Variants in MTG2 observed in about 807,000 individuals in gnomAD.
MTG2 encodes the protein mitochondrial ribosome-associated GTPase 2.
A neutral mutation model predicts 28.6 loss-of-function variants in MTG2; 23 were observed. The observed-to-expected ratio is 0.80, with a 90% CI of 0.58 to 1.14. The LOEUF (loss-of-function observed/expected upper bound fraction) is 1.14, where lower values mean the gene tolerates loss of function less well. Ranked by LOEUF, MTG2 falls within the 50% of genes most tolerant of loss-of-function variation. The pLI is 0.00. For missense variants in MTG2, 539 were observed against 552.0 expected (o/e 0.98, Z 0.24); for synonymous variants, 260 against 251.8 (o/e 1.03, Z -0.31).
At chr20:62,194,651 GA>G (rs11467955) in intron 2 of MTG2, among the ~76,000 whole-genome samples, 3 of 151,494 alleles carry the variant, frequency 2.0e-5, no homozygotes, top group East Asian at 1.9e-4. Flanking sequence ...TCTTTTAAAA[GA>G]AAAAAAAACT....
In MTG2 at chr20:62,198,681, C is replaced by G. The variant is rs758190421; in HGVS notation, c.516C>G (p.Asp172Glu). ...AGGAGGGAGGCAGAGTTGTGGCCGA[C>G]CTGTCTTGCGTGGGAGATGAGTACA... is the stretch of plus-strand genomic sequence containing the variant. ...LVKEGGRVVA[D>E]LSCVGDEYIA... The change falls in exon 5 of 7, where the codon GAC (aspartate) becomes GAG (glutamate). Residue 172 changes from aspartate (D) to glutamate (E), a missense_variant. Physicochemically the swap from Asp to Glu is conservative, Grantham distance 45. Coordinates refer to ENST00000370823, the MANE Select transcript of MTG2 (RefSeq NM_015666.4). 2.3e-5 allele frequency: 37 copies of G among 1,614,000 alleles called. 1 individual carries two copies. Among genetic ancestry groups the G allele is most frequent in the South Asian group, 1.9e-4 (17 of 91,092 alleles).
At chr20:62,199,856 A>T (rs1316056418) in intron 6 of MTG2, 1 of 151,784 alleles carries the variant, frequency 6.6e-6, no homozygotes, top group East Asian at 2.0e-4. Context: ...CACCACGCCC[A>T]GTTAATTTTT....
chr20:62,183,738 A>G (rs912007014), intron 1 of MTG2, among the ~76,000 whole-genome samples: 1 of 152,226 alleles, frequency 6.6e-6, no homozygotes, highest in Non-Finnish European at 1.5e-5. Flanking sequence ...TTTCTTTTGT[A>G]AAGGGGAGGA....
intron 1 of MTG2, among the ~76,000 whole-genome samples, chr20:62,184,129 C>T (rs978631522): frequency 5.9e-5 from 9 of 152,206 alleles, no homozygotes; most frequent in South Asian, 2.1e-4. Flanking sequence ...GAGGCCAAGG[C>T]GGGCAGATCA....
At chr20:62,194,440 C>T (rs2058022529) in intron 2 of MTG2, among the ~76,000 whole-genome samples, 1 of 152,230 alleles carries the variant, frequency 6.6e-6, no homozygotes, top group South Asian at 2.1e-4. Flanking sequence ...AAGTGCTCAC[C>T]AGTGGGGCTT....
rs150975089 is a variant in MTG2, at chr20:62,193,525, G to T, written c.105G>T (p.Leu35=). The T allele has an allele frequency of 5.2e-4, 841 of 1,614,036 alleles. 1 individual carries two copies. Among genetic ancestry groups the T allele is most frequent in the Admixed American group, 3.8e-4 (23 of 60,004 alleles). The stretch of plus-strand genomic sequence containing the variant: ...CTGGCCTGAAGCCCAGCCGGCTACT[G>T]CCACAGCGGGCTTCTCCCAGGCTGC... ...TWAGLKPSRL[L]PQRASPRLLS... Residue 35 remains leucine, a synonymous_variant, in exon 2 of 7, where the codon CTG becomes CTT. Coordinates refer to ENST00000370823, the MANE Select transcript of MTG2 (RefSeq NM_015666.4).
In MTG2 at chr20:62,201,259, C is replaced by T. The variant is rs188050084; in HGVS notation, c.*182C>T. 3 of 695,330 alleles carry T rather than the reference C, an allele frequency of 4.3e-6. No homozygotes were observed. Among genetic ancestry groups the T allele is most frequent in the South Asian group, 2.0e-5 (1 of 50,596 alleles). The allele number at this position is 695,330 out of a possible 1,614,324, so 43.1% of individuals were successfully genotyped here. On this transcript the variant is annotated 3_prime_UTR_variant, in exon 7 of 7. Transcript: ENST00000370823. ...GGGAAGCATTCCGTGCCCCCTACCCCGCCTGCCCTCCGTATTTCCTGCACC... is the reference window on the plus strand; with the variant it reads ...GGGAAGCATTCCGTGCCCCCTACCCTGCCTGCCCTCCGTATTTCCTGCACC...
intron 5 of MTG2, 37 bp from the exon 6 acceptor site, chr20:62,199,082 C>T: frequency 6.2e-7 from 1 of 1,611,832 alleles, no homozygotes; most frequent in Non-Finnish European, 8.5e-7. Context: ...AAAGGTGCTG[C>T]CGCGGGCCGT....
chr20:62,202,403 T>C lies in MTG2; in HGVS notation c.*1326T>C. ...GTGAGCCGTGATTGCACCACTGCAC[T>C]CCAGCCTGAGTGACAGAGCGAGACC... On this transcript the variant is annotated 3_prime_UTR_variant, in exon 7 of 7. Coordinates refer to ENST00000370823, the MANE Select transcript of MTG2 (RefSeq NM_015666.4). 6.3e-6 allele frequency: 1 copy of C among 158,584 alleles called. No individual in the cohort carries two copies. Among genetic ancestry groups the C allele is most frequent in the Non-Finnish European group, 1.4e-5 (1 of 73,032 alleles). The allele number at this position is 158,584 out of a possible 1,614,324, so 9.8% of individuals were successfully genotyped here.
intron 1 of MTG2, among the ~76,000 whole-genome samples, chr20:62,192,638 A>C (rs2057982216): frequency 6.6e-6 from 1 of 152,092 alleles, no homozygotes. Context: ...CCCCCTCCCA[A>C]GGCCATCCAG....
chr20:62,198,312 G>C, intron 4 of MTG2: 1 of 527,790 alleles, frequency 1.9e-6, no homozygotes, highest in Non-Finnish European at 3.4e-6. Flanking sequence ...CAGCGGGCCT[G>C]CGTCTCCTTC....
chr20:62,186,867 G>C (rs1019026395), intron 1 of MTG2, among the ~76,000 whole-genome samples: 1 of 152,130 alleles, frequency 6.6e-6, no homozygotes, highest in African/African-American at 2.4e-5. Context: ...CCTCTCTTCT[G>C]TAAACAGGGA....
At chr20:62,185,188 C>G (rs1012643182) in intron 1 of MTG2, among the ~76,000 whole-genome samples, 3 of 150,300 alleles carry the variant, frequency 2.0e-5, no homozygotes, top group African/African-American at 7.4e-5. Context: ...CTGAGGTGGG[C>G]GGATCACGAG....
intron 1 of MTG2, among the ~76,000 whole-genome samples, chr20:62,192,950 C>A (rs1405714888): frequency 6.6e-6 from 1 of 152,220 alleles, no homozygotes; most frequent in Non-Finnish European, 1.5e-5. Flanking sequence ...GAGTTACTTT[C>A]CAGAGCCTGG....
rs577547816 is a variant in MTG2, at chr20:62,192,864, G to A, written c.-5-552G>A. On this transcript the variant is annotated intron_variant, in intron 1 of 6. Coordinates refer to ENST00000370823, the MANE Select transcript of MTG2 (RefSeq NM_015666.4). ...CAGCCAGGGCCGCGGTTGTGCAGCC[G>A]TGTGGATCAGCTCAGCCCGTCCTCA... 3.9e-5 allele frequency among the ~76,000 whole-genome samples: 6 copies of A among 152,310 alleles called. No individual in the cohort carries two copies. In the South Asian group the frequency reaches 8.3e-4, roughly 21 times the overall value.
intron 1 of MTG2, among the ~76,000 whole-genome samples, chr20:62,190,328 A>G (rs1236446757): frequency 6.6e-6 from 1 of 152,228 alleles, no homozygotes; most frequent in Non-Finnish European, 1.5e-5. Context: ...CCAACTACGC[A>G]GTATTTTTTT....
In MTG2 at chr20:62,202,438, AAAACAAACAAAC is replaced by A. The variant is rs150565894; in HGVS notation, c.*1373_*1384del. 4.5e-5 allele frequency: 7 copies of A among 155,586 alleles called. No homozygotes were observed. The highest frequency in any genetic ancestry group is 3.0e-3 in the Middle Eastern group (1 of 330). 9.6% of individuals were successfully genotyped at this position (155,586 alleles called of 1,614,324 possible). A position where few individuals can be genotyped will look rare whatever the true frequency, so the allele number is the denominator to read the frequency against. ...GTGACAGAGCGAGACCCTGTCTCAA[AAAACAAACAAAC>A]AAACAAACAAAAACAGAACATTCTG... is the stretch of plus-strand genomic sequence containing the variant. On this transcript the variant is annotated 3_prime_UTR_variant, in exon 7 of 7. Transcript: ENST00000370823.
chr20:62,194,446 G>A (rs1043299621), intron 2 of MTG2, among the ~76,000 whole-genome samples: 6 of 152,188 alleles, frequency 3.9e-5, no homozygotes, highest in Non-Finnish European at 7.3e-5. Flanking sequence ...TCACCAGTGG[G>A]GCTTTCCTCC....
At chr20:62,184,075 T>G (rs1307646201) in intron 1 of MTG2, among the ~76,000 whole-genome samples, 4 of 152,218 alleles carry the variant, frequency 2.6e-5, no homozygotes, top group Admixed American at 1.3e-4. Context: ...GAATCAGGTT[T>G]CCGCTGGGCG....
Sources: gnomAD v4.1 joint callset for allele counts (sites outside exome capture counted in the v4.1 genomes callset) on GRCh38, gnomAD v4.1.1 for gene constraint, MANE v1.5 for transcripts, NCBI Gene and HGNC (gene_info 2026-07-23, HGNC 2026-07-21) for gene names.